Variants in NLGN4Y observed in about 807,000 individuals in gnomAD.
NLGN4Y encodes neuroligin 4 Y-linked.
A neutral mutation model predicts 8.4 loss-of-function variants in NLGN4Y; 4 were observed. The observed-to-expected ratio is 0.48, with a 90% CI of 0.23 to 1.09. The LOEUF is 1.09. NLGN4Y is among the 50% of genes least tolerant of loss of function. The pLI, the probability that NLGN4Y is intolerant of heterozygous loss-of-function variation, is 0.19. For synonymous variants in NLGN4Y, 35 were observed against 75.6 expected, an observed-to-expected ratio of 0.46 and a Z score of 2.78; for missense variants, 90 against 192.3, an observed-to-expected ratio of 0.47 and a Z score of 3.15.
intron 2 of NLGN4Y, chrY:14,639,760 G>A: frequency 6.8e-6 from 1 of 147,004 alleles, no homozygotes; most frequent in Non-Finnish European, 1.4e-5. Flanking sequence ...ATCAAAGTTA[G>A]CAAGTACTGG....
intron 2 of NLGN4Y, among the ~76,000 whole-genome samples, chrY:14,684,875 T>C (rs1009280228): frequency 2.9e-5 from 1 of 34,089 alleles, no homozygotes; most frequent in Non-Finnish European, 7.4e-5. Flanking sequence ...TTTCCTGTTC[T>C]TTATAGCTTC....
At chrY:14,723,035 A>C in intron 3 of NLGN4Y, 82 bp from the exon 4 acceptor site, 5 of 285,234 alleles carry the variant, frequency 1.8e-5, no homozygotes, top group Non-Finnish European at 2.2e-5. Context: ...AAATCAGGGA[A>C]TCTCCTTTGT....
Position 14,845,288 on chromosome Y carries a change from C to T in NLGN4Y, c.*4026C>T. On this transcript the variant is annotated 3_prime_UTR_variant, in exon 7 of 7. Transcript: ENST00000684976. Reference sequence around the variant, plus strand: ...CATGGATATCACATACTTTAAATTCCTGAAGATGTCATTTTCATTAAATAC... The same window carrying T: ...CATGGATATCACATACTTTAAATTCTTGAAGATGTCATTTTCATTAAATAC... 2 of 33,419 alleles carry T rather than the reference C, an allele frequency of 6.0e-5. No individual in the cohort carries two copies. Among genetic ancestry groups the T allele is most frequent in the African/African-American group, 1.2e-4 (1 of 8,592 alleles). 8.3% of individuals were successfully genotyped at this position (33,419 alleles called of 400,897 possible).
intron 2 of NLGN4Y, among the ~76,000 whole-genome samples, chrY:14,655,543 G>T (rs750968842): frequency 3.1e-5 from 1 of 32,211 alleles, no homozygotes; most frequent in Admixed American, 2.9e-4. Flanking sequence ...CCTGTTCTTT[G>T]TGCTCTCCAC....
chrY:14,593,083 T>G (rs2080379193), intron 1 of NLGN4Y, among the ~76,000 whole-genome samples: 3 of 33,456 alleles, frequency 9.0e-5, no homozygotes, highest in African/African-American at 3.5e-4. Flanking sequence ...TATCGTGGCT[T>G]TAAAAGCTGG....
intron 2 of NLGN4Y, among the ~76,000 whole-genome samples, chrY:14,644,018 T>C: frequency 6.0e-5 from 2 of 33,306 alleles, no homozygotes; most frequent in East Asian, 1.6e-3. Context: ...TGCAGCTTTG[T>C]ATAAGTCCAA....
At chrY:14,658,874 AG>A (rs2080664129) in intron 2 of NLGN4Y, among the ~76,000 whole-genome samples, 2 of 33,123 alleles carry the variant, frequency 6.0e-5, no homozygotes, top group Non-Finnish European at 1.5e-4. Flanking sequence ...ACACAGTCCT[AG>A]GAAGTCCAAA....
intron 2 of NLGN4Y, among the ~76,000 whole-genome samples, chrY:14,637,054 G>A (rs1029431945): frequency 9.3e-5 from 3 of 32,332 alleles, no homozygotes; most frequent in Non-Finnish European, 2.3e-4. Flanking sequence ...AGATGTTTGC[G>A]GCTTTTTCTC....
chrY:14,835,136 AC>A (rs2043192693), intron 6 of NLGN4Y, among the ~76,000 whole-genome samples: 1 of 33,596 alleles, frequency 3.0e-5, no homozygotes, highest in African/African-American at 1.2e-4. Flanking sequence ...ATGCTTCTTT[AC>A]AGACATCTCA....
At chrY:14,653,004 A>T in intron 2 of NLGN4Y, among the ~76,000 whole-genome samples, 1 of 32,700 alleles carries the variant, frequency 3.1e-5, no homozygotes, top group Non-Finnish European at 7.5e-5. Flanking sequence ...AATACTAAAC[A>T]TATATATGTT....
intron 4 of NLGN4Y, among the ~76,000 whole-genome samples, chrY:14,800,462 T>C: frequency 3.2e-5 from 1 of 31,563 alleles, no homozygotes; most frequent in African/African-American, 1.2e-4. Context: ...TCTGTACAAA[T>C]TGCCTCCAAG....
chrY:14,679,962 C>A, intron 2 of NLGN4Y, among the ~76,000 whole-genome samples: 1 of 33,167 alleles, frequency 3.0e-5, no homozygotes, highest in Non-Finnish European at 7.5e-5. Context: ...GATGAAAAAT[C>A]TCTGCTTTGG....
intron 1 of NLGN4Y, among the ~76,000 whole-genome samples, chrY:14,584,068 C>T (rs2080329226): frequency 3.0e-5 from 1 of 33,770 alleles, no homozygotes; most frequent in Non-Finnish European, 7.3e-5. Context: ...AGACTTGTCT[C>T]ACCTGGGAGG....
chrY:14,601,194 T>C (rs2080425292), intron 1 of NLGN4Y, among the ~76,000 whole-genome samples: 2 of 31,216 alleles, frequency 6.4e-5, no homozygotes, highest in Admixed American at 5.9e-4. Flanking sequence ...CTGCCCCTTG[T>C]GGGTTCAAGT....
Position 14,621,995 on chromosome Y carries a change from T to A in NLGN4Y, c.-111-14T>A. On this transcript the variant is annotated splice_polypyrimidine_tract_variant and intron_variant, in intron 1 of 6. Transcript: ENST00000684976. The stretch of plus-strand genomic sequence containing the variant: ...GTGGCTTCATTATTCTTGTCTGCTT[T>A]CTCCCTCCTTTAGGTTGCATTGGAG... 1.1e-5 allele frequency: 2 copies of A among 186,315 alleles called. No homozygotes were observed. Among genetic ancestry groups the A allele is most frequent in the African/African-American group, 1.7e-4 (2 of 11,821 alleles). 46.5% of individuals were successfully genotyped at this position (186,315 alleles called of 400,897 possible).
intron 6 of NLGN4Y, among the ~76,000 whole-genome samples, chrY:14,838,586 T>G (rs2043205309): frequency 3.0e-5 from 1 of 33,070 alleles, no homozygotes; most frequent in African/African-American, 1.2e-4. Flanking sequence ...AATATAGAAT[T>G]ATAGTATGTA....
At chrY:14,619,856 G>T in intron 1 of NLGN4Y, among the ~76,000 whole-genome samples, 1 of 33,853 alleles carries the variant, frequency 3.0e-5, no homozygotes, top group Non-Finnish European at 7.3e-5. Context: ...AAAAGAATGA[G>T]ATTATGTCCT....
At chrY:14,742,120 T>G (rs2081008055) in intron 4 of NLGN4Y, among the ~76,000 whole-genome samples, 1 of 33,751 alleles carries the variant, frequency 3.0e-5, no homozygotes, top group Non-Finnish European at 7.4e-5. Context: ...ATCTTAAAGA[T>G]GTTGTATTAA....
intron 1 of NLGN4Y, among the ~76,000 whole-genome samples, chrY:14,598,593 T>C (rs2080414669): frequency 3.2e-5 from 1 of 31,522 alleles, no homozygotes; most frequent in African/African-American, 1.3e-4. Flanking sequence ...CACACCTCCC[T>C]ACAAGCTGAA....
Sources: gnomAD v4.1 joint callset for allele counts (sites outside exome capture counted in the v4.1 genomes callset) on GRCh38, gnomAD v4.1.1 for gene constraint, MANE v1.5 for transcripts, NCBI Gene and HGNC (gene_info 2026-07-23, HGNC 2026-07-21) for gene names.